HYCC2: variants seen among roughly 807,000 people sequenced by gnomAD.
HYCC2 encodes the protein hyccin 2.
the HYCC2 span, among the ~76,000 whole-genome samples, chr2:200,999,005 C>G: frequency 6.6e-6 from 1 of 152,114 alleles, no homozygotes; most frequent in Admixed American, 6.6e-5. Context: ...CTAATTTCTA[C>G]CTGGGAGCCC....
At chr2:200,992,295 A>G in the HYCC2 span, 1 of 1,606,766 alleles carries the variant, frequency 6.2e-7, no homozygotes, top group South Asian at 1.1e-5. Flanking sequence ...AGTGGTTGAG[A>G]AAAAAGCTCT....
chr2:200,995,516 G>A, the HYCC2 span, among the ~76,000 whole-genome samples: 3 of 152,328 alleles, frequency 2.0e-5, no homozygotes, highest in East Asian at 5.8e-4. Context: ...AACAGGTCTT[G>A]CTGGAGTCTC....
At chr2:201,030,097 ACAAAAAGTC>A in the HYCC2 span, among the ~76,000 whole-genome samples, 21 of 152,114 alleles carry the variant, frequency 1.4e-4, no homozygotes, top group Admixed American at 1.4e-3. Context: ...AAAAACAAAA[ACAAAAAGTC>A]CGGAAATTTC....
chr2:201,003,242 C>T, the HYCC2 span, among the ~76,000 whole-genome samples: 8 of 152,024 alleles, frequency 5.3e-5, no homozygotes, highest in Non-Finnish European at 8.8e-5. Context: ...TTTAAGAGAT[C>T]GGGTCTTGCT....
the HYCC2 span, among the ~76,000 whole-genome samples, chr2:201,010,862 TAG>T: frequency 1.3e-5 from 2 of 151,892 alleles, no homozygotes; most frequent in Non-Finnish European, 2.9e-5. Flanking sequence ...AAAATGATGG[TAG>T]AGTCAGGCGT....
chr2:201,004,248 G>A, the HYCC2 span, among the ~76,000 whole-genome samples: 7 of 152,182 alleles, frequency 4.6e-5, no homozygotes, highest in African/African-American at 7.2e-5. Context: ...AATCACTATG[G>A]GAATTTGAAG....
chr2:201,016,994 A>G, the HYCC2 span: 5 of 1,611,822 alleles, frequency 3.1e-6, no homozygotes, highest in Non-Finnish European at 4.2e-6. Flanking sequence ...AACTTACCAA[A>G]TTGTAAATTC....
the HYCC2 span, among the ~76,000 whole-genome samples, chr2:200,990,569 AT>A: frequency 2.2e-3 from 329 of 147,964 alleles, no homozygotes; most frequent in South Asian, 3.6e-3. Flanking sequence ...ATCCCGCTAA[AT>A]TTTTTTTTCT....
At chr2:201,024,013 C>G in the HYCC2 span, 1 of 1,611,466 alleles carries the variant, frequency 6.2e-7, no homozygotes, top group Non-Finnish European at 8.5e-7. Flanking sequence ...CCAGCATTTT[C>G]TTTTACCTTC....
At chr2:200,992,807 C>T in the HYCC2 span, 9 of 878,202 alleles carry the variant, frequency 1.0e-5, no homozygotes, top group East Asian at 7.3e-5. Flanking sequence ...AGTATTGTGT[C>T]GGATAAGGAA....
chr2:200,997,961 G>C, the HYCC2 span, among the ~76,000 whole-genome samples: 4 of 152,252 alleles, frequency 2.6e-5, no homozygotes, highest in Middle Eastern at 3.4e-3. Context: ...GCTTGAACCC[G>C]GGAGGCGGAG....
chr2:201,009,463 C>T, the HYCC2 span: 1 of 159,560 alleles, frequency 6.3e-6, no homozygotes, highest in Admixed American at 6.2e-5. Context: ...AATCAAATAT[C>T]TCTCTTTTTT....
At chr2:201,049,579 C>T in the HYCC2 span, among the ~76,000 whole-genome samples, 5 of 151,536 alleles carry the variant, frequency 3.3e-5, no homozygotes, top group East Asian at 1.9e-4. Context: ...GGTCTCGATC[C>T]TCTGACCTCG....
chr2:201,002,007 A>T, the HYCC2 span, among the ~76,000 whole-genome samples: 7 of 152,070 alleles, frequency 4.6e-5, no homozygotes, highest in Non-Finnish European at 1.0e-4. Flanking sequence ...TGTGAATTAT[A>T]TCTCAATTTA....
At chr2:201,028,802 C>T in the HYCC2 span, among the ~76,000 whole-genome samples, 1 of 152,122 alleles carries the variant, frequency 6.6e-6, no homozygotes, top group Non-Finnish European at 1.5e-5. Flanking sequence ...ACACCTTATA[C>T]AAAAATTAAT....
the HYCC2 span, among the ~76,000 whole-genome samples, chr2:201,033,023 GT>G: frequency 5.5e-5 from 8 of 146,672 alleles, no homozygotes; most frequent in East Asian, 2.0e-4. Context: ...CAAGGCATTT[GT>G]TTTTTTTTTA....
chr2:200,999,748 C>T, the HYCC2 span, among the ~76,000 whole-genome samples: 1 of 150,170 alleles, frequency 6.7e-6, no homozygotes, highest in East Asian at 2.0e-4. Flanking sequence ...AGGAACTCTA[C>T]TAGGATGAAA....
At chr2:201,043,401 C>T in the HYCC2 span, among the ~76,000 whole-genome samples, 6 of 142,668 alleles carry the variant, frequency 4.2e-5, no homozygotes, top group Admixed American at 7.0e-5. Context: ...TCCTCCTCTC[C>T]GAGAAACACC....
the HYCC2 span, among the ~76,000 whole-genome samples, chr2:201,028,898 G>T: frequency 2.6e-5 from 4 of 152,278 alleles, no homozygotes; most frequent in South Asian, 8.3e-4. Context: ...CAGGACATAG[G>T]CATGGGCAAG....
Sources: gnomAD v4.1 joint callset for allele counts (sites outside exome capture counted in the v4.1 genomes callset) on GRCh38, gnomAD v4.1.1 for gene constraint, MANE v1.5 for transcripts, NCBI Gene and HGNC (gene_info 2026-07-23, HGNC 2026-07-21) for gene names.